The following RBFOX1 variants were observed in gnomAD, a reference collection of about 807,000 sequenced individuals.
RBFOX1 encodes RNA binding protein fox-1 homolog 1.
RBFOX1 carries 8 observed loss-of-function variants against 57.7 expected under a neutral mutation model. That is an observed-to-expected ratio of 0.14 (90% CI 0.08 to 0.25). The LOEUF is 0.25. Ranked by LOEUF, RBFOX1 falls within the 10% of genes least tolerant of loss-of-function variation. The pLI is 1.00. For missense variants in RBFOX1, 611 were observed against 548.5 expected, an observed-to-expected ratio of 1.11 and a Z score of -1.14; for synonymous variants, 326 against 222.4, an observed-to-expected ratio of 1.47 and a Z score of -4.15.
intron 3 of RBFOX1, among the ~76,000 whole-genome samples, chr16:5,702,867 A>G (rs1205129610): frequency 6.6e-6 from 1 of 152,162 alleles, no homozygotes. Context: ...CCCATATGAA[A>G]GGTCTTCTTG....
intron 4 of RBFOX1, among the ~76,000 whole-genome samples, chr16:7,164,817 C>T (rs1204864609): frequency 6.6e-6 from 1 of 152,204 alleles, no homozygotes; most frequent in East Asian, 1.9e-4. Flanking sequence ...CTTTTAAAAA[C>T]ATTGCTGTTG....
At chr16:5,597,837 T>C (rs1174575668) in intron 2 of RBFOX1, among the ~76,000 whole-genome samples, 1 of 152,166 alleles carries the variant, frequency 6.6e-6, no homozygotes, top group Non-Finnish European at 1.5e-5. Context: ...GTGTTTGCAG[T>C]AGGCATGCTC....
At chr16:7,022,799 C>G (rs970238243) in intron 3 of RBFOX1, among the ~76,000 whole-genome samples, 1 of 152,182 alleles carries the variant, frequency 6.6e-6, no homozygotes. Context: ...GAGACAAGTT[C>G]TATTCTTATT....
intron 2 of RBFOX1, among the ~76,000 whole-genome samples, chr16:6,344,603 T>C (rs1195518796): frequency 6.6e-6 from 1 of 151,456 alleles, no homozygotes; most frequent in Non-Finnish European, 1.5e-5. Flanking sequence ...TTCAGCGTGT[T>C]AGCCAGGATG....
At chr16:6,876,724 G>A (rs1159936654) in intron 3 of RBFOX1, among the ~76,000 whole-genome samples, 1 of 152,056 alleles carries the variant, frequency 6.6e-6, no homozygotes, top group Non-Finnish European at 1.5e-5. Context: ...GATCAAGAGA[G>A]AACCCATAGT....
intron 4 of RBFOX1, among the ~76,000 whole-genome samples, chr16:7,284,575 C>G (rs528845532): frequency 6.6e-6 from 1 of 152,184 alleles, no homozygotes; most frequent in Non-Finnish European, 1.5e-5. Flanking sequence ...AAGCAGTCCT[C>G]CCACCTTAGC....
intron 2 of RBFOX1, among the ~76,000 whole-genome samples, chr16:6,475,133 G>A (rs2095253039): frequency 6.6e-6 from 1 of 152,186 alleles, no homozygotes. Flanking sequence ...AGTACTTGGA[G>A]CTCTCTTTGG....
intron 1 of RBFOX1, among the ~76,000 whole-genome samples, chr16:6,082,828 A>G (rs188795560): frequency 1.3e-5 from 2 of 152,258 alleles, no homozygotes; most frequent in African/African-American, 4.8e-5. Context: ...CATAGCTGCA[A>G]GATGATGCAC....
At chr16:6,356,799 C>G (rs2152858345) in intron 2 of RBFOX1, among the ~76,000 whole-genome samples, 1 of 152,296 alleles carries the variant, frequency 6.6e-6, no homozygotes, top group Admixed American at 6.5e-5. Flanking sequence ...GTTTATTAAT[C>G]TGACAAATGT....
At chr16:6,938,727 T>C (rs988818314) in intron 3 of RBFOX1, among the ~76,000 whole-genome samples, 4 of 152,180 alleles carry the variant, frequency 2.6e-5, no homozygotes. Context: ...AGATCAGAAG[T>C]TTGAAACCAG....
At chr16:6,667,547 G>C (rs1420350201) in intron 3 of RBFOX1, among the ~76,000 whole-genome samples, 1 of 152,060 alleles carries the variant, frequency 6.6e-6, no homozygotes, top group East Asian at 1.9e-4. Context: ...CTTACACTGA[G>C]GGTACTTATC....
chr16:6,962,260 C>G (rs1271878095), intron 3 of RBFOX1, among the ~76,000 whole-genome samples: 3 of 152,130 alleles, frequency 2.0e-5, no homozygotes, highest in Admixed American at 6.5e-5. Flanking sequence ...CCTCTCCTTT[C>G]TCTTACAAAA....
At chr16:6,303,795 G>A (rs1375175409) in intron 1 of RBFOX1, among the ~76,000 whole-genome samples, 1 of 140,370 alleles carries the variant, frequency 7.1e-6, no homozygotes, top group African/African-American at 2.6e-5. Flanking sequence ...CTAACATGGT[G>A]AAACCCTGTC....
At position 6,923,921 on chromosome 16, in the gene RBFOX1, A is replaced by C. The variant is rs141103740; in HGVS notation, c.-15-128136A>C. ...TGTGGTGGCTGACACCTGTAATCCC[A>C]GCACTTTGGAGGCTGAGTCAGGCAG... On this transcript the variant is annotated intron_variant, in intron 3 of 15. Coordinates refer to ENST00000550418, the MANE Select transcript of RBFOX1 (RefSeq NM_018723.4). 1.6e-3 allele frequency among the ~76,000 whole-genome samples: 246 copies of C among 152,258 alleles called. 1 individual carries two copies. Among genetic ancestry groups the C allele is most frequent in the African/African-American group, 5.5e-3 (228 of 41,558 alleles).
intron 1 of RBFOX1, among the ~76,000 whole-genome samples, chr16:5,432,660 T>C (rs2067788729): frequency 6.7e-6 from 1 of 150,370 alleles, no homozygotes; most frequent in African/African-American, 2.4e-5. Flanking sequence ...AGAGAAGACA[T>C]GGCAGGTCAA....
intron 10 of RBFOX1, among the ~76,000 whole-genome samples, chr16:7,628,538 A>C (rs557614464): frequency 3.9e-5 from 6 of 152,218 alleles, no homozygotes; most frequent in Non-Finnish European, 8.8e-5. Flanking sequence ...TTTGCTGTTA[A>C]TCCCCAGTGA....
intron 5 of RBFOX1, among the ~76,000 whole-genome samples, chr16:7,548,667 G>A (rs553579460): frequency 3.3e-5 from 5 of 152,246 alleles, no homozygotes; most frequent in East Asian, 3.9e-4. Context: ...AAAGCTTCTC[G>A]CCTCCAGCCA....
At chr16:7,094,138 T>G (rs545858445) in intron 4 of RBFOX1, among the ~76,000 whole-genome samples, 1 of 151,572 alleles carries the variant, frequency 6.6e-6, no homozygotes, top group Non-Finnish European at 1.5e-5. Context: ...TCACTTACCT[T>G]TAGAAAATTT....
chr16:6,599,749 C>T (rs1415762348), intron 2 of RBFOX1, among the ~76,000 whole-genome samples: 1 of 152,174 alleles, frequency 6.6e-6, no homozygotes, highest in Admixed American at 6.5e-5. Flanking sequence ...CCTAGTTAAG[C>T]CATCTTGAGC....
Sources: allele counts gnomAD v4.1 joint callset (sites outside exome capture counted in the v4.1 genomes callset), GRCh38; gene constraint gnomAD v4.1.1; transcripts MANE v1.5; gene names NCBI Gene and HGNC (gene_info 2026-07-23, HGNC 2026-07-21).